FBXO47: variants seen among roughly 807,000 people sequenced by gnomAD.
FBXO47 encodes F-box protein 47.
Under a neutral mutation model 53.9 loss-of-function variants are expected in FBXO47, and 34 were observed. That is an observed-to-expected ratio of 0.63 (90% CI 0.48 to 0.84). The LOEUF (loss-of-function observed/expected upper bound fraction) is 0.84, where lower values mean the gene tolerates loss of function less well. Ranked by LOEUF, FBXO47 falls within the 40% of genes least tolerant of loss-of-function variation. The probability of loss-of-function intolerance (pLI) is 0.00; values close to 1 mark genes in which losing one functional copy is unlikely to be tolerated. For synonymous variants in FBXO47, 165 were observed against 181.6 expected (o/e 0.91, Z 0.73); for missense variants, 485 against 541.3 (o/e 0.90, Z 1.03).
intron 5 of FBXO47, among the ~76,000 whole-genome samples, chr17:38,954,279 C>T (rs1168776209): frequency 1.3e-5 from 2 of 151,864 alleles, no homozygotes; most frequent in African/African-American, 2.4e-5. Context: ...GCCTGGGTGA[C>T]AGAGTAAGAC....
rs139105548 is a variant in FBXO47, at chr17:38,952,815, C to CTTTTTTTTTTTTTTTTTTT, written c.508-1145_508-1127dup. Among the ~76,000 whole-genome samples the CTTTTTTTTTTTTTTTTTTT allele has an allele frequency of 3.6e-4, 41 of 115,350 alleles. 3 individuals are homozygous for CTTTTTTTTTTTTTTTTTTT. The East Asian group carries it at 9.9e-3, about 28-fold the overall frequency. The allele number at this position is 115,350 out of a possible 152,430, so 75.7% of individuals were successfully genotyped here. Reference sequence around the variant, plus strand: ...GACAATTCTGAGCATTTATTTATGACTTTTTTTTTTTTTTTTTTTGTAGAG... The same window carrying CTTTTTTTTTTTTTTTTTTT: ...GACAATTCTGAGCATTTATTTATGACTTTTTTTTTTTTTTTTTTTTTTTTTTTTTTTTTTTTTTGTAGAG... On this transcript the variant is annotated intron_variant, in intron 5 of 10. Coordinates refer to ENST00000378079, the MANE Select transcript of FBXO47 (RefSeq NM_001008777.3).
chr17:38,937,796 T>A (rs1450937274), intron 10 of FBXO47, among the ~76,000 whole-genome samples: 2 of 152,074 alleles, frequency 1.3e-5, no homozygotes, highest in African/African-American at 2.4e-5. Context: ...GCCTCCCGAG[T>A]AGCTGGGACT....
intron 7 of FBXO47, among the ~76,000 whole-genome samples, chr17:38,944,018 C>G (rs189589508): frequency 1.6e-3 from 242 of 151,846 alleles, no homozygotes; most frequent in African/African-American, 5.7e-3. Flanking sequence ...CCTGTCTCTA[C>G]TAAAAATATA....
In FBXO47 at chr17:38,944,190, CATGTGT is replaced by C. The variant is rs1300808119; in HGVS notation, c.794-460_794-455del. 4.2e-3 allele frequency among the ~76,000 whole-genome samples: 519 copies of C among 122,750 alleles called. 1 individual carries two copies. The highest frequency in any genetic ancestry group is 0.012 in the African/African-American group (398 of 34,556). The allele number at this position is 122,750 out of a possible 152,430, so 80.5% of individuals were successfully genotyped here. On this transcript the variant is annotated intron_variant, in intron 7 of 10. Coordinates refer to ENST00000378079, the MANE Select transcript of FBXO47 (RefSeq NM_001008777.3). ...CAGCGAGACTCTGTCTCAAAAAAAACATGTGTGTGTGTGTGTGTGTGTGTGTGTGTG... is the reference window on the plus strand; with the variant it reads ...CAGCGAGACTCTGTCTCAAAAAAAACGTGTGTGTGTGTGTGTGTGTGTGTG...
chr17:38,948,774 C>T (rs1300808755), intron 6 of FBXO47, among the ~76,000 whole-genome samples: 1 of 151,922 alleles, frequency 6.6e-6, no homozygotes, highest in Non-Finnish European at 1.5e-5. Context: ...TTTTATTATA[C>T]TTTAAGTTCT....
chr17:38,939,822 C>T (rs921032012), intron 9 of FBXO47, among the ~76,000 whole-genome samples: 1 of 150,290 alleles, frequency 6.7e-6, no homozygotes, highest in Non-Finnish European at 1.5e-5. Flanking sequence ...CGCCCGCCAC[C>T]GCGCCCGGCT....
chr17:38,956,167 C>T (rs1443324164), intron 4 of FBXO47, among the ~76,000 whole-genome samples: 1 of 151,416 alleles, frequency 6.6e-6, no homozygotes, highest in Non-Finnish European at 1.5e-5. Context: ...TTATGAATGT[C>T]ATGCTTTAGG....
At chr17:38,959,407 AC>A (rs1905707630) in intron 3 of FBXO47, among the ~76,000 whole-genome samples, 1 of 151,634 alleles carries the variant, frequency 6.6e-6, no homozygotes, top group Admixed American at 6.6e-5. Flanking sequence ...ACATAGTGAA[AC>A]CCTGTCTCTA....
chr17:38,947,942 C>T (rs1905021678), intron 6 of FBXO47, among the ~76,000 whole-genome samples: 1 of 151,926 alleles, frequency 6.6e-6, no homozygotes, highest in Non-Finnish European at 1.5e-5. Context: ...ATTAGATTAA[C>T]ATAGGACTAC....
At chr17:38,937,349 T>G in intron 10 of FBXO47, 59 bp from the exon 11 acceptor site, 1 of 579,254 alleles carries the variant, frequency 1.7e-6, no homozygotes, top group Non-Finnish European at 2.8e-6. Context: ...AGTATATAAT[T>G]TATTTTATTA....
At chr17:38,939,387 T>C (rs1454972227) in intron 9 of FBXO47, among the ~76,000 whole-genome samples, 1 of 140,202 alleles carries the variant, frequency 7.1e-6, no homozygotes, top group Non-Finnish European at 1.5e-5. Flanking sequence ...AAATTTCTGC[T>C]CATTTACTCA....
At chr17:38,947,950 T>C (rs1158483567) in intron 6 of FBXO47, among the ~76,000 whole-genome samples, 1 of 152,066 alleles carries the variant, frequency 6.6e-6, no homozygotes, top group Non-Finnish European at 1.5e-5. Context: ...AACATAGGAC[T>C]ACTTTTTCAA....
At chr17:38,941,769 G>A (rs1904524144) in intron 9 of FBXO47, among the ~76,000 whole-genome samples, 1 of 150,942 alleles carries the variant, frequency 6.6e-6, no homozygotes, top group Admixed American at 6.7e-5. Flanking sequence ...AAACTCCCAG[G>A]CTCAATCAAT....
chr17:38,947,244 G>A (rs947518705), intron 6 of FBXO47, among the ~76,000 whole-genome samples: 5 of 151,210 alleles, frequency 3.3e-5, no homozygotes, highest in African/African-American at 9.7e-5. Context: ...AGGTGGCAGC[G>A]AGCTGAGATC....
intron 9 of FBXO47, 45 bp from the exon 10 acceptor site, chr17:38,938,777 G>T (rs375944939): frequency 1.4e-6 from 2 of 1,439,176 alleles, no homozygotes; most frequent in Non-Finnish European, 1.9e-6. Context: ...TGTGAAGAAA[G>T]CTATAGAATT....
At chr17:38,951,216 G>A (rs143945696) in intron 6 of FBXO47, among the ~76,000 whole-genome samples, 18 of 151,202 alleles carry the variant, frequency 1.2e-4, no homozygotes, top group African/African-American at 4.1e-4. Flanking sequence ...TATTTATCGA[G>A]ACAGGGTCAC....
At chr17:38,939,145 T>C (rs1027656131) in intron 9 of FBXO47, among the ~76,000 whole-genome samples, 1 of 150,252 alleles carries the variant, frequency 6.7e-6, no homozygotes, top group African/African-American at 2.5e-5. Flanking sequence ...ATACAAAAAT[T>C]AGCCAGACAT....
intron 3 of FBXO47, among the ~76,000 whole-genome samples, chr17:38,959,579 CA>C (rs749435702): frequency 0.11 from 3,052 of 27,828 alleles, 14 homozygotes; most frequent in African/African-American, 0.18. Flanking sequence ...GACTCTGCCT[CA>C]AAAAAAAAAA....
chr17:38,954,715 A>G, intron 5 of FBXO47, 141 bp downstream of exon 5: 1 of 531,290 alleles, frequency 1.9e-6, no homozygotes, highest in East Asian at 3.3e-5. Context: ...TATTAGATTA[A>G]TACATTCTCA....
Sources: gnomAD v4.1 joint callset for allele counts (sites outside exome capture counted in the v4.1 genomes callset) on GRCh38, gnomAD v4.1.1 for gene constraint, MANE v1.5 for transcripts, NCBI Gene and HGNC (gene_info 2026-07-23, HGNC 2026-07-21) for gene names.